The following UBR1 variants were observed in gnomAD, a reference collection of about 807,000 sequenced individuals.
The protein encoded by UBR1 is ubiquitin protein ligase E3 component n-recognin 1, also known as E3 ubiquitin-protein ligase UBR1.
Under a neutral mutation model 242.1 loss-of-function variants are expected in UBR1, and 102 were observed. The ratio of observed to expected loss-of-function variants is 0.42; its 90% CI spans 0.36 to 0.50. UBR1 has a LOEUF of 0.50. UBR1 is among the 20% of genes least tolerant of loss of function. The probability of loss-of-function intolerance (pLI) is 0.01; values close to 1 mark genes in which losing one functional copy is unlikely to be tolerated. For missense variants in UBR1, 1,772 were observed against 2,101.8 expected, an observed-to-expected ratio of 0.84 and a Z score of 3.07; for synonymous variants, 675 against 684.8, an observed-to-expected ratio of 0.99 and a Z score of 0.22.
chr15:43,105,813 T>C, intron 1 of UBR1, 129 bp downstream of exon 1: 1 of 860,170 alleles, frequency 1.2e-6, no homozygotes. Flanking sequence ...TTCGGTGGCT[T>C]CCTTCCAGAT....
chr15:43,034,006 G>A (rs910916447), intron 19 of UBR1, among the ~76,000 whole-genome samples: 21 of 152,146 alleles, frequency 1.4e-4, no homozygotes, highest in Non-Finnish European at 1.9e-4. Flanking sequence ...TTGGAAGGCC[G>A]AGGCGGGTGG....
intron 42 of UBR1, among the ~76,000 whole-genome samples, chr15:42,963,112 A>C (rs147034890): frequency 1.3e-3 from 192 of 152,326 alleles, no homozygotes; most frequent in African/African-American, 4.1e-3. Flanking sequence ...AAAGCATGAT[A>C]CTGATTTTCT....
At chr15:43,025,115 C>A in intron 24 of UBR1, 132 bp from the exon 25 acceptor site, 1 of 1,140,606 alleles carries the variant, frequency 8.8e-7, no homozygotes, top group Non-Finnish European at 1.2e-6. Flanking sequence ...TTTTTGCTAC[C>A]TTTCCAGTAC....
At chr15:43,052,339 T>G (rs1459775234) in intron 12 of UBR1, among the ~76,000 whole-genome samples, 1 of 152,196 alleles carries the variant, frequency 6.6e-6, no homozygotes, top group Non-Finnish European at 1.5e-5. Flanking sequence ...AGAATTGAAG[T>G]TGTTCTGAAT....
intron 33 of UBR1, among the ~76,000 whole-genome samples, chr15:42,991,926 T>A (rs1052516563): frequency 1.3e-5 from 2 of 152,068 alleles, no homozygotes. Flanking sequence ...TATTATTTTT[T>A]ATTTTTTTAG....
In UBR1 at chr15:43,060,047, G is replaced by T. The variant is rs1325020213; in HGVS notation, c.861+5C>A. The T allele has an allele frequency of 1.2e-6, 2 of 1,613,870 alleles. No individual in the cohort carries two copies. Among genetic ancestry groups the T allele is most frequent in the East Asian group, 2.2e-5 (1 of 44,866 alleles). ...TCTCTTTTTCCCCCTAATTCAGAAA[G>T]TTACCTTTATATCTTCCTTTGCTTC... On this transcript the variant is annotated splice_donor_5th_base_variant and intron_variant, in intron 7 of 46. Transcript: ENST00000290650.
intron 6 of UBR1, among the ~76,000 whole-genome samples, chr15:43,065,517 A>G (rs2033741391): frequency 6.6e-6 from 1 of 151,018 alleles, no homozygotes; most frequent in Non-Finnish European, 1.5e-5. Flanking sequence ...CTACCCCCAC[A>G]CCCCCGACAG....
chr15:43,103,004 C>A (rs1049273400), intron 1 of UBR1, among the ~76,000 whole-genome samples: 1 of 152,102 alleles, frequency 6.6e-6, no homozygotes, highest in Non-Finnish European at 1.5e-5. Flanking sequence ...CCTGTCTCTA[C>A]TAAAAATACA....
chr15:43,002,669 C>T lies in UBR1; in HGVS notation c.3545G>A (p.Arg1182His), dbSNP rs139161796. 11 of 1,614,120 alleles carry T rather than the reference C, an allele frequency of 6.8e-6. No homozygotes were observed. The highest frequency in any genetic ancestry group is 5.0e-5 in the Admixed American group (3 of 60,012). Residue 1182 changes from arginine (R) to histidine (H), a missense_variant, in exon 32 of 47, where the codon CGC becomes CAC. Physicochemically the swap from Arg to His is conservative, Grantham distance 29. Transcript: ENST00000290650. Reference sequence around the variant, plus strand: ...CAAGTCAAAAAGGTCAACATGAATGCGCTGCTGAGAGCTCAGCTGTACAGC... The same window carrying T: ...CAAGTCAAAAAGGTCAACATGAATGTGCTGCTGAGAGCTCAGCTGTACAGC... ...FEAVQLSSQQ[R>H]IHVDLFDLES... is the part of the protein sequence containing the mutation.
chr15:43,077,580 C>T (rs969101942), intron 3 of UBR1, among the ~76,000 whole-genome samples: 3 of 150,324 alleles, frequency 2.0e-5, no homozygotes, highest in Non-Finnish European at 4.4e-5. Context: ...TGCTGACCTT[C>T]CCTCCACTAT....
At chr15:43,059,437 C>T (rs1013788258) in intron 8 of UBR1, among the ~76,000 whole-genome samples, 3 of 151,910 alleles carry the variant, frequency 2.0e-5, no homozygotes, top group African/African-American at 7.3e-5. Flanking sequence ...AATATTAATC[C>T]TCCCACATTT....
At chr15:43,038,039 A>C in intron 16 of UBR1, 132 bp downstream of exon 16, 1 of 1,213,384 alleles carries the variant, frequency 8.2e-7, no homozygotes, top group Non-Finnish European at 1.2e-6. Flanking sequence ...ACAATGTACT[A>C]TATGAAGATG....
Position 43,105,960 on chromosome 15 carries a change from G to C in UBR1, c.63C>G (p.Thr21=). The C allele has an allele frequency of 6.2e-7, 1 of 1,613,982 alleles. No individual in the cohort carries two copies. Residue 21 remains threonine (T), a synonymous_variant, in exon 1 of 47, where the codon ACC becomes ACG. Coordinates refer to ENST00000290650, the MANE Select transcript of UBR1 (RefSeq NM_174916.3). The part of the protein sequence containing the change: ...RMEISAELPQ[T]PQRLASWWDQ... Reference sequence around the variant, plus strand: ...GACTTACAGATGCCAGACGCTGAGGGGTCTGGGGTAACTCCGCGCTGATTT... The same window carrying C: ...GACTTACAGATGCCAGACGCTGAGGCGTCTGGGGTAACTCCGCGCTGATTT...
intron 5 of UBR1, among the ~76,000 whole-genome samples, chr15:43,070,084 T>C (rs536958710): frequency 1.3e-5 from 2 of 152,234 alleles, no homozygotes; most frequent in African/African-American, 2.4e-5. Context: ...AGATTTGGGC[T>C]GCAATTTTGT....
At chr15:43,029,114 T>TACACACACATGCACACACACACAC (rs1555446679) in intron 21 of UBR1, among the ~76,000 whole-genome samples, 2 of 145,672 alleles carry the variant, frequency 1.4e-5, no homozygotes, top group African/African-American at 5.6e-5. Context: ...TAAAAACAAA[T>TACACACACATGCACACACACACAC]ACACACACAC....
intron 26 of UBR1, among the ~76,000 whole-genome samples, 200 bp from the exon 27 acceptor site, chr15:43,021,575 C>G (rs538586354): frequency 6.6e-6 from 1 of 152,106 alleles, no homozygotes; most frequent in East Asian, 1.9e-4. Flanking sequence ...CTTATAATGC[C>G]TAATACAATG....
chr15:43,064,504 G>A (rs989422609), intron 6 of UBR1, among the ~76,000 whole-genome samples: 11 of 151,630 alleles, frequency 7.3e-5, no homozygotes, highest in African/African-American at 2.7e-4. Context: ...ACAAGTTAGA[G>A]AACCAGGGAT....
chr15:43,037,477 C>CTA lies in UBR1; in HGVS notation c.2022+294_2022+295dup, dbSNP rs543974944. On this transcript the variant is annotated intron_variant, in intron 17 of 46. Transcript: ENST00000290650. ...CAGATGGTGGAAAGACTAAAGGCCT[C>CTA]TAAGTAAGGTAATTCTCAGAAAAGA... Among the ~76,000 whole-genome samples the CTA allele has an allele frequency of 3.3e-5, 5 of 152,054 alleles. No individual in the cohort carries two copies. In the South Asian group the frequency reaches 1.0e-3, roughly 32 times the overall value.
At chr15:43,059,652 A>G (rs780903307) in intron 8 of UBR1, 50 bp downstream of exon 8, 78 of 1,611,064 alleles carry the variant, frequency 4.8e-5, no homozygotes, top group Non-Finnish European at 6.3e-5. Context: ...TTGTGGCTAT[A>G]AAACACATAG....
Sources: gnomAD v4.1 joint callset for allele counts (sites outside exome capture counted in the v4.1 genomes callset) on GRCh38, gnomAD v4.1.1 for gene constraint, MANE v1.5 for transcripts, NCBI Gene and HGNC (gene_info 2026-07-23, HGNC 2026-07-21) for gene names.